ETS1: variants seen among roughly 807,000 people sequenced by gnomAD.
ETS1 encodes protein C-ets-1.
A neutral mutation model predicts 58.6 loss-of-function variants in ETS1; 15 were observed. The observed-to-expected ratio is 0.26, with a 90% CI of 0.17 to 0.39. The LOEUF (loss-of-function observed/expected upper bound fraction) is 0.39, where lower values mean the gene tolerates loss of function less well. Among genes scored for constraint, ETS1 ranks in the 10% least tolerant of loss-of-function variants. The pLI is 1.00. For missense variants in ETS1, 417 were observed against 610.5 expected (o/e 0.68, Z 3.34); for synonymous variants, 214 against 218.2 (o/e 0.98, Z 0.17).
At chr11:128,586,573 C>T (rs1240158195) in intron 1 of ETS1, among the ~76,000 whole-genome samples, 1 of 152,030 alleles carries the variant, frequency 6.6e-6, no homozygotes, top group Non-Finnish European at 1.5e-5. Flanking sequence ...ATACTTTTTT[C>T]TCAGTTGCAT....
At chr11:128,496,522 C>T (rs1862946092) in intron 3 of ETS1, among the ~76,000 whole-genome samples, 1 of 152,148 alleles carries the variant, frequency 6.6e-6, no homozygotes, top group South Asian at 2.1e-4. Flanking sequence ...GGTGCCTTTA[C>T]CCCTTCAGAC....
chr11:128,551,831 C>T (rs1360753448), intron 3 of ETS1, among the ~76,000 whole-genome samples: 1 of 152,074 alleles, frequency 6.6e-6, no homozygotes, highest in East Asian at 1.9e-4. Flanking sequence ...TAAGTGACGG[C>T]ACTGTTTTAT....
In ETS1 at chr11:128,573,140, A is replaced by T; in HGVS notation, c.-10T>A. 1 of 1,577,502 alleles carries T rather than the reference A, an allele frequency of 6.3e-7. No individual in the cohort carries two copies. Among genetic ancestry groups the T allele is most frequent in the Non-Finnish European group, 8.6e-7 (1 of 1,161,090 alleles). Reference sequence around the variant, plus strand: ...CCACAAAGTAGCTCATTCTGCTCTCAGCACCTGTGTGAGAGAAGGCGTTGG... The same window carrying T: ...CCACAAAGTAGCTCATTCTGCTCTCTGCACCTGTGTGAGAGAAGGCGTTGG... On this transcript the variant is annotated 5_prime_UTR_variant, in exon 2 of 10. Coordinates refer to ENST00000392668, the MANE Select transcript of ETS1 (RefSeq NM_001143820.2).
intron 3 of ETS1, chr11:128,536,455 A>G (rs1176912148): frequency 1.3e-5 from 2 of 152,264 alleles, no homozygotes; most frequent in Non-Finnish European, 2.9e-5. Flanking sequence ...GAGAAGAAAT[A>G]TGTATCATAA....
intron 3 of ETS1, among the ~76,000 whole-genome samples, chr11:128,519,200 A>T (rs751919384): frequency 1.3e-5 from 2 of 152,240 alleles, no homozygotes; most frequent in Non-Finnish European, 2.9e-5. Flanking sequence ...TTAGCACTTA[A>T]CGCTGTCAAA....
At chr11:128,577,806 A>G (rs1386791909) in intron 1 of ETS1, among the ~76,000 whole-genome samples, 5 of 152,100 alleles carry the variant, frequency 3.3e-5, no homozygotes, top group Non-Finnish European at 2.9e-5. Context: ...CAGATGCCAC[A>G]GTTGCTTTGC....
chr11:128,470,882 C>T lies in ETS1; in HGVS notation c.1124-7255G>A, dbSNP rs1295610423. ...TAGGACTTTTTTAAGTTAGGGAAGA[C>T]TCTGAAATCCTTGTTCCCATGTTAA... On this transcript the variant is annotated intron_variant, in intron 8 of 9. Transcript: ENST00000392668. Among the ~76,000 whole-genome samples, 3 of 151,746 alleles carry T rather than the reference C, an allele frequency of 2.0e-5. 1 individual carries two copies. Among genetic ancestry groups the T allele is most frequent in the African/African-American group, 7.3e-5 (3 of 41,054 alleles).
chr11:128,565,917 T>C (rs968489530), intron 2 of ETS1, among the ~76,000 whole-genome samples: 1 of 152,190 alleles, frequency 6.6e-6, no homozygotes, highest in African/African-American at 2.4e-5. Context: ...GTGACCCTTC[T>C]GTGAACACAT....
chr11:128,579,436 C>T lies in ETS1; in HGVS notation c.-14-6292G>A, dbSNP rs530519126. 3.9e-5 allele frequency among the ~76,000 whole-genome samples: 6 copies of T among 151,990 alleles called. No individual in the cohort carries two copies. In the East Asian group the frequency reaches 5.8e-4, roughly 15 times the overall value. ...CAGCAATTTGAGAGGCCGAGGCAGG[C>T]GGACCACCCAAGGTCAGGAGTTCAA... On this transcript the variant is annotated intron_variant, in intron 1 of 9. Transcript: ENST00000392668.
intron 3 of ETS1, chr11:128,530,414 G>A (rs1392206278): frequency 6.6e-6 from 1 of 152,248 alleles, no homozygotes; most frequent in African/African-American, 2.4e-5. Flanking sequence ...GTGTAAGAGG[G>A]CGCCATTTAA....
intron 3 of ETS1, among the ~76,000 whole-genome samples, chr11:128,504,397 G>C (rs1863175345): frequency 6.6e-6 from 1 of 152,176 alleles, no homozygotes; most frequent in African/African-American, 2.4e-5. Context: ...CCAAAAAGCA[G>C]AAAAGAGGAA....
intron 3 of ETS1, among the ~76,000 whole-genome samples, chr11:128,531,832 A>T (rs1442282956): frequency 6.6e-6 from 1 of 152,218 alleles, no homozygotes; most frequent in Admixed American, 6.5e-5. Flanking sequence ...TTGACTTTCA[A>T]TCTGGGAAGA....
rs1355002897 is a variant in ETS1 at position 128,549,488 on chromosome 11, C to T, written c.214+6803G>A. 6.6e-6 allele frequency among the ~76,000 whole-genome samples: 1 copy of T among 152,214 alleles called. No individual in the cohort carries two copies. The highest frequency in any genetic ancestry group is 1.9e-4 in the East Asian group (1 of 5,194). On this transcript the variant is annotated intron_variant, in intron 3 of 9. Transcript: ENST00000392668. The surrounding 1 kb of genome is among the most constrained non-coding windows in gnomAD (Gnocchi z 4.3). ...GTGCCCCAGGGACCTTTTCCCAACT[C>T]GGACCAAATATTTGTGGTTTGAAAA...
At chr11:128,493,363 A>AG (rs1378747518) in intron 3 of ETS1, among the ~76,000 whole-genome samples, 1 of 152,224 alleles carries the variant, frequency 6.6e-6, no homozygotes, top group Non-Finnish European at 1.5e-5. Flanking sequence ...GCTTCCTGTC[A>AG]GGGGGCAGGC....
At chr11:128,565,458 T>C (rs1295473454) in intron 2 of ETS1, among the ~76,000 whole-genome samples, 2 of 152,196 alleles carry the variant, frequency 1.3e-5, no homozygotes, top group Non-Finnish European at 2.9e-5. Context: ...GCAGCACTAA[T>C]GGACCAAGAC....
chr11:128,497,698 G>A (rs988430880), intron 3 of ETS1: 1 of 423,948 alleles, frequency 2.4e-6, no homozygotes, highest in Non-Finnish European at 3.2e-6. Flanking sequence ...GGGATTGCAG[G>A]CATGTTCCCA....
At position 128,506,017 on chromosome 11, in the gene ETS1, G is replaced by A. The variant is rs148055475; in HGVS notation, c.215-15441C>T. 8.0e-3 allele frequency among the ~76,000 whole-genome samples: 1,218 copies of A among 152,298 alleles called. 18 individuals are homozygous for A. The highest frequency in any genetic ancestry group is 0.011 in the Non-Finnish European group (779 of 68,028). ...TGGTGAGGAAGGAGGGACTGAAAAAGTCCCTTGAGATTGGGGAGATGCAGC... is the reference window on the plus strand; with the variant it reads ...TGGTGAGGAAGGAGGGACTGAAAAAATCCCTTGAGATTGGGGAGATGCAGC... On this transcript the variant is annotated intron_variant, in intron 3 of 9. Coordinates refer to ENST00000392668, the MANE Select transcript of ETS1 (RefSeq NM_001143820.2).
chr11:128,506,658 C>T (rs965097129), intron 3 of ETS1, among the ~76,000 whole-genome samples: 3 of 152,004 alleles, frequency 2.0e-5, no homozygotes, highest in African/African-American at 7.3e-5. Flanking sequence ...AAAGGGAAGA[C>T]GAGAGGATGA....
chr11:128,539,942 T>C (rs1864029017), intron 3 of ETS1, among the ~76,000 whole-genome samples: 1 of 152,174 alleles, frequency 6.6e-6, no homozygotes, highest in African/African-American at 2.4e-5. Context: ...GACCAGTAGC[T>C]GTTGAGGTGT....
Sources: allele counts gnomAD v4.1 joint callset (sites outside exome capture counted in the v4.1 genomes callset), GRCh38; gene constraint gnomAD v4.1.1; non-coding constraint Gnocchi (gnomAD v3.1); transcripts MANE v1.5; gene names NCBI Gene and HGNC (gene_info 2026-07-23, HGNC 2026-07-21).